The following IL18 variants were observed in gnomAD, a reference collection of about 807,000 sequenced individuals.
The protein encoded by IL18 is interleukin 18.
In IL18, 8 loss-of-function variants were observed where a neutral mutation model predicts 14.2. That is an observed-to-expected ratio of 0.56 (90% confidence interval 0.33 to 1.01). The LOEUF is 1.01. Ranked by LOEUF, IL18 falls within the 50% of genes least tolerant of loss-of-function variation. The pLI, the probability that IL18 is intolerant of heterozygous loss-of-function variation, is 0.03. For synonymous variants in IL18, 67 were observed against 71.0 expected (o/e 0.94, Z 0.28); for missense variants, 166 against 231.1 (o/e 0.72, Z 1.83).
At chr11:112,146,855 A>AC (rs1393479166) in intron 5 of IL18, among the ~76,000 whole-genome samples, 3 of 142,518 alleles carry the variant, frequency 2.1e-5, no homozygotes, top group African/African-American at 7.9e-5. Context: ...TCTTCCAGCC[A>AC]CCCCCCGCCC....
At chr11:112,150,433 C>G in intron 3 of IL18, 1 of 409,136 alleles carries the variant, frequency 2.4e-6, no homozygotes, top group Non-Finnish European at 4.5e-6. Context: ...TTCAAATAGC[C>G]TACTTTCTGA....
At chr11:112,152,192 T>C (rs1158501694) in intron 3 of IL18, among the ~76,000 whole-genome samples, 1 of 152,240 alleles carries the variant, frequency 6.6e-6, no homozygotes, top group African/African-American at 2.4e-5. Flanking sequence ...CTGTGTTTCC[T>C]ATTTCACTGA....
At chr11:112,161,755 G>A (rs1326187701) in intron 1 of IL18, among the ~76,000 whole-genome samples, 2 of 152,128 alleles carry the variant, frequency 1.3e-5, no homozygotes, top group Non-Finnish European at 2.9e-5. Flanking sequence ...AGCCGAGTTC[G>A]TGCCACTGCA....
intron 5 of IL18, among the ~76,000 whole-genome samples, chr11:112,145,470 T>C (rs5744281): frequency 0.11 from 16,479 of 152,264 alleles, 1,177 homozygotes; most frequent in East Asian, 0.39. Context: ...CCGGGTGCGA[T>C]GGCTCACGCC....
At chr11:112,149,870 C>T (rs1240627992) in intron 4 of IL18, among the ~76,000 whole-genome samples, 1 of 151,908 alleles carries the variant, frequency 6.6e-6, no homozygotes, top group East Asian at 1.9e-4. Context: ...GAGGCATGAC[C>T]CCTAGCAATG....
At position 112,162,342 on chromosome 11, in the gene IL18, T is replaced by TTTTC. The variant is rs1491169530; in HGVS notation, c.-9+1563_-9+1564insGAAA. Reference sequence around the variant, plus strand: ...AGCGATGTTTTTTTCTTTTCTTTTCTTTTTTTTTTTTTTTTTGAGACATGG... The same window carrying TTTTC: ...AGCGATGTTTTTTTCTTTTCTTTTCTTTTCTTTTTTTTTTTTTTTTGAGACATGG... On this transcript the variant is annotated intron_variant, in intron 1 of 5. Coordinates refer to ENST00000280357, the MANE Select transcript of IL18 (RefSeq NM_001562.4). Among the ~76,000 whole-genome samples, 4 of 54,526 alleles carry TTTTC rather than the reference T, an allele frequency of 7.3e-5. No homozygotes were observed. In the East Asian group the frequency reaches 3.0e-3, roughly 41 times the overall value. 35.8% of individuals were successfully genotyped at this position (54,526 alleles called of 152,430 possible). A position where few individuals can be genotyped will look rare whatever the true frequency, so the allele number is the denominator to read the frequency against.
intron 3 of IL18, among the ~76,000 whole-genome samples, chr11:112,151,364 G>C (rs903789570): frequency 6.6e-6 from 1 of 151,746 alleles, no homozygotes. Context: ...TATATACATA[G>C]AAAGGAGTGT....
chr11:112,151,849 C>T (rs1276840169), intron 3 of IL18, among the ~76,000 whole-genome samples: 1 of 152,128 alleles, frequency 6.6e-6, no homozygotes, highest in Non-Finnish European at 1.5e-5. Flanking sequence ...TTTCTTCTTC[C>T]CTTTTGGTTA....
At chr11:112,145,636 G>A (rs1866324031) in intron 5 of IL18, among the ~76,000 whole-genome samples, 1 of 152,170 alleles carries the variant, frequency 6.6e-6, no homozygotes, top group South Asian at 2.1e-4. Flanking sequence ...CTGCTTGGGA[G>A]GGTGAGGCAG....
At chr11:112,155,543 T>C (rs975474305) in intron 1 of IL18, among the ~76,000 whole-genome samples, 1 of 152,142 alleles carries the variant, frequency 6.6e-6, no homozygotes, top group Non-Finnish European at 1.5e-5. Flanking sequence ...AGTGCTTCCA[T>C]CTGAGGGTAC....
At chr11:112,161,729 G>C (rs1268834654) in intron 1 of IL18, among the ~76,000 whole-genome samples, 1 of 152,198 alleles carries the variant, frequency 6.6e-6, no homozygotes, top group East Asian at 1.9e-4. Context: ...GAACCCATGA[G>C]GCAGAGGTTG....
At chr11:112,157,545 C>A (rs1174313654) in intron 1 of IL18, among the ~76,000 whole-genome samples, 7 of 152,028 alleles carry the variant, frequency 4.6e-5, no homozygotes, top group African/African-American at 1.2e-4. Flanking sequence ...TAAAGAGTTA[C>A]AAAATAATGT....
In IL18 at chr11:112,161,283, G is replaced by A. The variant is rs1270489290; in HGVS notation, c.-9+2623C>T. On this transcript the variant is annotated intron_variant, in intron 1 of 5. Transcript: ENST00000280357. ...TGGGGCAAGTCACTTAATTTTAAGG[G>A]TCTCAGTTCCCTCATTTGGACAAGG... is the stretch of plus-strand genomic sequence containing the variant. Among the ~76,000 whole-genome samples the A allele has an allele frequency of 2.0e-5, 3 of 152,098 alleles. No individual in the cohort carries two copies. The East Asian group carries it at 5.8e-4, about 29-fold the overall frequency.
chr11:112,152,129 C>T (rs531056201), intron 3 of IL18, among the ~76,000 whole-genome samples: 16 of 152,164 alleles, frequency 1.1e-4, no homozygotes, highest in Non-Finnish European at 1.6e-4. Flanking sequence ...AGATCCAAAA[C>T]GAAATGCGTC....
intron 1 of IL18, among the ~76,000 whole-genome samples, chr11:112,155,610 G>GA (rs1256012374): frequency 6.6e-6 from 1 of 152,188 alleles, no homozygotes; most frequent in African/African-American, 2.4e-5. Context: ...CTTTCTCCCT[G>GA]AGCTGCGGTG....
intron 1 of IL18, among the ~76,000 whole-genome samples, chr11:112,163,417 AATTTGTCTTTTT>A (rs1327735921): frequency 6.6e-6 from 1 of 152,208 alleles, no homozygotes; most frequent in Non-Finnish European, 1.5e-5. Flanking sequence ...TCTAAGACGT[AATTTGTCTTTTT>A]CACTCATTCT....
intron 5 of IL18, among the ~76,000 whole-genome samples, chr11:112,145,694 G>A (rs768541529): frequency 1.1e-4 from 17 of 151,860 alleles, no homozygotes; most frequent in East Asian, 3.9e-4. Context: ...AGCTGAGATC[G>A]TGCCACTGCA....
Position 112,150,194 on chromosome 11 carries a change from G to T in IL18, c.104C>A (p.Ser35Ter). The change falls in exon 4 of 6, where the codon TCA (serine) becomes TAA (stop). Residue 35 changes from serine (S) to a stop codon, truncating the protein, a stop_gained. Transcript: ENST00000280357. LOFTEE classifies it high-confidence loss of function. Reference protein sequence around the residue: ...FIAEDDENLESDYFGKLESKL... With the variant: ...FIAEDDENLE ...AGATTCAAGCTTGCCAAAGTAATCT[G>T]ATTCCAGGTTTTCTACAATAAACAT... 1 of 1,553,422 alleles carries T rather than the reference G, an allele frequency of 6.4e-7. No individual in the cohort carries two copies. The highest frequency in any genetic ancestry group is 1.1e-5 in the South Asian group (1 of 87,916).
chr11:112,145,575 TA>T (rs1206465224), intron 5 of IL18, among the ~76,000 whole-genome samples: 7 of 151,890 alleles, frequency 4.6e-5, no homozygotes, highest in African/African-American at 1.7e-4. Context: ...CCGTCTCTAC[TA>T]AAAATACAAA....
Sources: gnomAD v4.1 joint callset for allele counts (sites outside exome capture counted in the v4.1 genomes callset) on GRCh38, gnomAD v4.1.1 for gene constraint, MANE v1.5 for transcripts, NCBI Gene and HGNC (gene_info 2026-07-23, HGNC 2026-07-21) for gene names.